The following LY75 variants were observed in gnomAD, a reference collection of about 807,000 sequenced individuals.
LY75 encodes the protein lymphocyte antigen 75.
Under a neutral mutation model 231.7 loss-of-function variants are expected in LY75, and 185 were observed. The ratio of observed to expected loss-of-function variants is 0.80; its 90% confidence interval spans 0.71 to 0.90. The LOEUF (loss-of-function observed/expected upper bound fraction) is 0.90, where lower values mean the gene tolerates loss of function less well. LY75 is among the 40% of genes least tolerant of loss of function. The pLI is 0.00. For synonymous variants in LY75, 668 were observed against 689.0 expected (o/e 0.97, Z 0.48); for missense variants, 1,947 against 2,050.2 (o/e 0.95, Z 0.97).
chr2:159,870,277 C>T (rs905195132), intron 13 of LY75, among the ~76,000 whole-genome samples: 2 of 151,994 alleles, frequency 1.3e-5, no homozygotes, highest in African/African-American at 4.8e-5. Context: ...ATGGAAAAAC[C>T]CGTTTCTACA....
chr2:159,862,108 G>A (rs907103309), intron 14 of LY75, among the ~76,000 whole-genome samples: 1 of 152,062 alleles, frequency 6.6e-6, no homozygotes, highest in African/African-American at 2.4e-5. Context: ...AGATCACCCT[G>A]GCCAATATGG....
chr2:159,904,288 C>G (rs6744553), intron 1 of LY75, among the ~76,000 whole-genome samples: 42,307 of 152,124 alleles, frequency 0.28, 6,373 homozygotes, highest in East Asian at 0.53. Context: ...GATGGAGCAG[C>G]GCACCCGGCC....
chr2:159,812,306 A>T (rs1403195815), intron 31 of LY75: 5 of 144,140 alleles, frequency 3.5e-5, no homozygotes, highest in African/African-American at 1.0e-4. Flanking sequence ...TTTTTCTGTA[A>T]GGGCTTGCAT....
At position 159,819,900 on chromosome 2, in the gene LY75, CA is replaced by C. The variant is rs759860507; in HGVS notation, c.3978del (p.Phe1326LeufsTer18). 4 of 1,603,710 alleles carry C rather than the reference CA, an allele frequency of 2.5e-6. No homozygotes were observed. The highest frequency in any genetic ancestry group is 3.4e-6 in the Non-Finnish European group (4 of 1,177,484). On this transcript the variant is annotated frameshift_variant, in exon 29 of 35. Coordinates refer to ENST00000263636, the MANE Select transcript of LY75 (RefSeq NM_002349.4). LOFTEE classifies it high-confidence loss of function. ...ITYRNKSLMW[F>X]DKTPLSYTHW... ...TGTGTATATGACAGTGGGGTCTTATCAAACCACATAAGAGACTTATCTAGAG... is the reference window on the plus strand; with the variant it reads ...TGTGTATATGACAGTGGGGTCTTATCAACCACATAAGAGACTTATCTAGAG...
intron 1 of LY75, among the ~76,000 whole-genome samples, chr2:159,900,635 G>A (rs917223989): frequency 3.9e-5 from 6 of 152,302 alleles, no homozygotes; most frequent in Admixed American, 3.9e-4. Flanking sequence ...ATTTTACCAT[G>A]TAAATAATAA....
intron 13 of LY75, among the ~76,000 whole-genome samples, chr2:159,870,269 G>C (rs1241969838): frequency 6.6e-6 from 1 of 151,974 alleles, no homozygotes; most frequent in East Asian, 1.9e-4. Flanking sequence ...TGGGCAACAT[G>C]GAAAAACCCG....
intron 21 of LY75, 27 bp from the exon 22 acceptor site, chr2:159,850,494 T>C (rs773880390): frequency 2.9e-5 from 46 of 1,612,086 alleles, no homozygotes; most frequent in Non-Finnish European, 3.9e-5. Context: ...ATGTGAAGCA[T>C]GAGATTCCAG....
chr2:159,823,822 A>AC (rs1683375421), intron 28 of LY75, among the ~76,000 whole-genome samples: 1 of 152,238 alleles, frequency 6.6e-6, no homozygotes. Flanking sequence ...AGAATTTTCA[A>AC]CCCAGAATTT....
rs1436460751 is a variant in LY75 at position 159,808,521 on chromosome 2, C to A, written c.4750G>T (p.Val1584Leu). The A allele has an allele frequency of 6.2e-7, 1 of 1,613,870 alleles. No individual in the cohort carries two copies. The highest frequency in any genetic ancestry group is 2.2e-5 in the East Asian group (1 of 44,824). Residue 1584 changes from valine (V) to leucine (L), a missense_variant, in exon 33 of 35, where the codon GTG (valine) becomes TTG (leucine). By Grantham distance (32) the Val-to-Leu change is conservative. Coordinates refer to ENST00000263636, the MANE Select transcript of LY75 (RefSeq NM_002349.4). ...SIKDEDENKF[V>L]SRLMRENNNI... is the part of the protein sequence containing the mutation. ...TTATTTTCCCTCATCAGTCTGCTCA[C>A]AAATTTATTCTCATCTTCATCTTTT... is the stretch of plus-strand genomic sequence containing the variant.
chr2:159,877,263 A>T (rs941678703), intron 11 of LY75, among the ~76,000 whole-genome samples: 1 of 152,140 alleles, frequency 6.6e-6, no homozygotes, highest in Admixed American at 6.5e-5. Flanking sequence ...ATATTTTCCA[A>T]TCTCTGTGTT....
chr2:159,835,681 T>C (rs375630487), intron 25 of LY75, 36 bp from the exon 26 acceptor site: 16 of 1,605,732 alleles, frequency 1.0e-5, no homozygotes, highest in Non-Finnish European at 1.4e-5. Flanking sequence ...GGTGGCAATA[T>C]TGATGTTAAC....
intron 14 of LY75, among the ~76,000 whole-genome samples, chr2:159,862,064 G>A (rs1258281908): frequency 1.3e-5 from 2 of 152,062 alleles, no homozygotes; most frequent in African/African-American, 4.8e-5. Context: ...ACTTTGGGAG[G>A]CTGAGGCGGG....
chr2:159,830,252 A>T (rs1243888018), intron 28 of LY75, among the ~76,000 whole-genome samples: 1 of 152,170 alleles, frequency 6.6e-6, no homozygotes. Context: ...CCTATTTTTA[A>T]AACAGGCAGA....
chr2:159,890,271 C>T lies in LY75; in HGVS notation c.744G>A (p.Gln248=), dbSNP rs1270180209. The part of the protein sequence containing the change: ...LSWKEAYVSC[Q]NQGADLLSIN... ...TGCTCAGTAAATCAGCTCCTTGATTCTGACATGAAACATAAGCTTCTTTCC... is the reference window on the plus strand; with the variant it reads ...TGCTCAGTAAATCAGCTCCTTGATTTTGACATGAAACATAAGCTTCTTTCC... The change falls in exon 4 of 35, where the codon CAG becomes CAA. Residue 248 remains glutamine (Q), a synonymous_variant. Transcript: ENST00000263636. The T allele has an allele frequency of 5.6e-6, 9 of 1,613,520 alleles. No individual in the cohort carries two copies. The highest frequency in any genetic ancestry group is 7.6e-6 in the Non-Finnish European group (9 of 1,179,668).
At position 159,804,746 on chromosome 2, in the gene LY75, C is replaced by T. The variant is rs1682745381; in HGVS notation, c.*298G>A. On this transcript the variant is annotated 3_prime_UTR_variant, in exon 35 of 35. Transcript: ENST00000263636. ...TTGTTAAAAATTCTATTAAAATATACATATCCTAGTTACCAATCACATTCA... is the reference window on the plus strand; with the variant it reads ...TTGTTAAAAATTCTATTAAAATATATATATCCTAGTTACCAATCACATTCA... 1 of 168,902 alleles carries T rather than the reference C, an allele frequency of 5.9e-6. No individual in the cohort carries two copies. The highest frequency in any genetic ancestry group is 2.4e-5 in the African/African-American group (1 of 42,078). 10.5% of individuals were successfully genotyped at this position (168,902 alleles called of 1,614,324 possible).
intron 15 of LY75, among the ~76,000 whole-genome samples, chr2:159,859,875 C>T (rs1368080151): frequency 1.3e-5 from 2 of 152,132 alleles, no homozygotes; most frequent in East Asian, 1.9e-4. Flanking sequence ...GTTAGCTGCT[C>T]CATCATCATC....
At chr2:159,807,690 G>A (rs2125826183) in intron 33 of LY75, 2 of 978,670 alleles carry the variant, frequency 2.0e-6, no homozygotes, top group Admixed American at 1.2e-4. Flanking sequence ...TGGACAACTT[G>A]GAATCCTTTT....
At chr2:159,882,425 G>C in intron 6 of LY75, 110 bp from the exon 7 acceptor site, 1 of 1,435,544 alleles carries the variant, frequency 7.0e-7, no homozygotes. Flanking sequence ...AACTGGGGAC[G>C]TGATGTCAGA....
In LY75 at chr2:159,852,448, C is replaced by T. The variant is rs554987387; in HGVS notation, c.2744-108G>A. On this transcript the variant is annotated intron_variant, in intron 20 of 34. Transcript: ENST00000263636. The stretch of plus-strand genomic sequence containing the variant: ...TTTTTTTTTTTTTGAGACAGAGTCT[C>T]GCTCTGTTGCCCGGGGCTGGAGTGC... 410 of 1,445,808 alleles carry T rather than the reference C, an allele frequency of 2.8e-4. 1 individual carries two copies. In the African/African-American group the frequency reaches 4.7e-3, roughly 17 times the overall value. 89.6% of individuals were successfully genotyped at this position (1,445,808 alleles called of 1,614,324 possible).
Sources: allele counts gnomAD v4.1 joint callset (sites outside exome capture counted in the v4.1 genomes callset), GRCh38; gene constraint gnomAD v4.1.1; transcripts MANE v1.5; gene names NCBI Gene and HGNC (gene_info 2026-07-23, HGNC 2026-07-21).